NDUFS4: variants seen among roughly 807,000 people sequenced by gnomAD.
The protein encoded by NDUFS4 is NADH:ubiquinone oxidoreductase subunit S4.
NDUFS4 carries 28 observed loss-of-function variants against 24.3 expected under a neutral mutation model. The observed-to-expected ratio is 1.15, with a 90% CI of 0.85 to 1.58. The LOEUF is 1.58. Among genes scored for constraint, NDUFS4 ranks in the 40% most tolerant of loss-of-function variants. The pLI, the probability that NDUFS4 is intolerant of heterozygous loss-of-function variation, is 0.00. For synonymous variants in NDUFS4, 93 were observed against 69.7 expected, an observed-to-expected ratio of 1.34 and a Z score of -1.67; for missense variants, 223 against 207.9, an observed-to-expected ratio of 1.07 and a Z score of -0.45.
Position 53,608,570 on chromosome 5 carries a change from T to G in NDUFS4, c.177+5040T>G, listed in dbSNP as rs188253590. Among the ~76,000 whole-genome samples, 161 of 152,320 alleles carry G rather than the reference T, an allele frequency of 1.1e-3. 1 individual carries two copies. Among genetic ancestry groups the G allele is most frequent in the African/African-American group, 3.7e-3 (155 of 41,578 alleles). ...GTCATTTCAGCAACGTTCACAGTCT[T>G]TATCAGGAGTAGATTCTGTCTCAAG... On this transcript the variant is annotated intron_variant, in intron 2 of 4. Transcript: ENST00000296684.
intron 1 of NDUFS4, among the ~76,000 whole-genome samples, chr5:53,586,803 G>A (rs1423796679): frequency 6.6e-6 from 1 of 152,014 alleles, no homozygotes; most frequent in Non-Finnish European, 1.5e-5. Flanking sequence ...AATTACAGGC[G>A]TGAGCCACCG....
At position 53,593,710 on chromosome 5, in the gene NDUFS4, T is replaced by C. The variant is rs566903930; in HGVS notation, c.99-9742T>C. ...GAGCTATAAGTTTTTCTCTAAGCAC[T>C]GTTTTTGGTGCATCCCACAAATTTT... On this transcript the variant is annotated intron_variant, in intron 1 of 4. Coordinates refer to ENST00000296684, the MANE Select transcript of NDUFS4 (RefSeq NM_002495.4). 4.6e-5 allele frequency among the ~76,000 whole-genome samples: 7 copies of C among 152,132 alleles called. No homozygotes were observed. The South Asian group carries it at 1.5e-3, about 32-fold the overall frequency.
chr5:53,652,216 T>A (rs1034450421), intron 3 of NDUFS4, among the ~76,000 whole-genome samples: 2 of 152,010 alleles, frequency 1.3e-5, no homozygotes, highest in African/African-American at 2.4e-5. Context: ...ATATGACAAA[T>A]GTAACACCTG....
chr5:53,595,713 C>T (rs772964951), intron 1 of NDUFS4, among the ~76,000 whole-genome samples: 15 of 152,136 alleles, frequency 9.9e-5, no homozygotes, highest in East Asian at 1.9e-4. Flanking sequence ...GAGTCTGTTA[C>T]GTGAACATAA....
intron 1 of NDUFS4, among the ~76,000 whole-genome samples, chr5:53,574,344 C>T (rs1352465159): frequency 2.0e-5 from 3 of 152,098 alleles, no homozygotes; most frequent in Non-Finnish European, 4.4e-5. Context: ...TCTTGTTTTT[C>T]TTCTTTAGAC....
Position 53,683,334 on chromosome 5 carries a change from C to T in NDUFS4, c.*113C>T, listed in dbSNP as rs1278448780. On this transcript the variant is annotated 3_prime_UTR_variant, in exon 5 of 5. Coordinates refer to ENST00000296684, the MANE Select transcript of NDUFS4 (RefSeq NM_002495.4). The stretch of plus-strand genomic sequence containing the variant: ...TCTCCTAATAAATTGGACCTTTAAA[C>T]TACAGATACATTTTGTGGTGTCTAT... 1 of 780,674 alleles carries T rather than the reference C, an allele frequency of 1.3e-6. No individual in the cohort carries two copies. The highest frequency in any genetic ancestry group is 2.2e-6 in the Non-Finnish European group (1 of 451,080). 48.4% of individuals were successfully genotyped at this position (780,674 alleles called of 1,614,324 possible). A position where few individuals can be genotyped will look rare whatever the true frequency, so the allele number is the denominator to read the frequency against.
chr5:53,657,241 G>A (rs1228241559), intron 3 of NDUFS4, among the ~76,000 whole-genome samples: 5 of 152,052 alleles, frequency 3.3e-5, no homozygotes, highest in South Asian at 4.2e-4. Flanking sequence ...CTGGAAAATC[G>A]TGTGCGCTTT....
chr5:53,570,188 C>G (rs944502818), intron 1 of NDUFS4, among the ~76,000 whole-genome samples: 3 of 152,152 alleles, frequency 2.0e-5, no homozygotes, highest in African/African-American at 7.2e-5. Flanking sequence ...TCATGTTATC[C>G]TTCCCTGACC....
chr5:53,668,298 C>A (rs569950113), intron 4 of NDUFS4, among the ~76,000 whole-genome samples: 1 of 152,134 alleles, frequency 6.6e-6, no homozygotes, highest in East Asian at 1.9e-4. Context: ...AAGATAAAAG[C>A]CTACCTGTTA....
intron 3 of NDUFS4, among the ~76,000 whole-genome samples, chr5:53,650,713 C>T (rs1751991440): frequency 6.6e-6 from 1 of 152,162 alleles, no homozygotes; most frequent in African/African-American, 2.4e-5. Flanking sequence ...AGAGACCTTC[C>T]TGCTTCTGCT....
chr5:53,623,780 G>A (rs1041179436), intron 2 of NDUFS4, among the ~76,000 whole-genome samples: 1 of 152,030 alleles, frequency 6.6e-6, no homozygotes, highest in African/African-American at 2.4e-5. Flanking sequence ...GTGCAGTGGC[G>A]CAATCTCGGC....
At chr5:53,582,989 CCT>C (rs1331239697) in intron 1 of NDUFS4, among the ~76,000 whole-genome samples, 1 of 151,988 alleles carries the variant, frequency 6.6e-6, no homozygotes, top group African/African-American at 2.4e-5. Flanking sequence ...GCAAGCTCTG[CCT>C]CTCAGCCTCC....
At chr5:53,653,058 A>G (rs1199224290) in intron 3 of NDUFS4, among the ~76,000 whole-genome samples, 1 of 152,028 alleles carries the variant, frequency 6.6e-6, no homozygotes, top group Admixed American at 6.6e-5. Context: ...CCTCAGCTGT[A>G]TTAATGTACA....
intron 1 of NDUFS4, among the ~76,000 whole-genome samples, chr5:53,580,101 C>A (rs1749512608): frequency 6.6e-6 from 1 of 152,114 alleles, no homozygotes; most frequent in Non-Finnish European, 1.5e-5. Context: ...GTTACTGCAA[C>A]TATAGGAAAC....
intron 1 of NDUFS4, among the ~76,000 whole-genome samples, chr5:53,591,670 G>A (rs1477053304): frequency 6.6e-6 from 1 of 152,016 alleles, no homozygotes; most frequent in Non-Finnish European, 1.5e-5. Flanking sequence ...CTTCCAAATT[G>A]GCTGTACCAT....
At chr5:53,648,826 A>C (rs903155179) in intron 3 of NDUFS4, among the ~76,000 whole-genome samples, 3 of 152,178 alleles carry the variant, frequency 2.0e-5, no homozygotes, top group Non-Finnish European at 4.4e-5. Context: ...TATCAAGGAG[A>C]ATACTTTGAG....
At chr5:53,589,823 C>T (rs1749886216) in intron 1 of NDUFS4, among the ~76,000 whole-genome samples, 1 of 152,172 alleles carries the variant, frequency 6.6e-6, no homozygotes, top group South Asian at 2.1e-4. Context: ...GGCCTAGCCT[C>T]CCAGCCATAC....
intron 4 of NDUFS4, among the ~76,000 whole-genome samples, chr5:53,669,266 A>G (rs537047400): frequency 6.6e-6 from 1 of 152,292 alleles, no homozygotes; most frequent in East Asian, 1.9e-4. Flanking sequence ...AAATTCCTCA[A>G]CTGATAATTC....
chr5:53,616,215 CA>C (rs934724800), intron 2 of NDUFS4, among the ~76,000 whole-genome samples: 2 of 138,430 alleles, frequency 1.4e-5, no homozygotes, highest in African/African-American at 5.0e-5. Context: ...TTCATTCATT[CA>C]ATTTTTTTTT....
Sources: gnomAD v4.1 joint callset for allele counts (sites outside exome capture counted in the v4.1 genomes callset) on GRCh38, gnomAD v4.1.1 for gene constraint, MANE v1.5 for transcripts, NCBI Gene and HGNC (gene_info 2026-07-23, HGNC 2026-07-21) for gene names.